DNAH9: variants seen among roughly 807,000 people sequenced by gnomAD.
The protein encoded by DNAH9 is DNAH9 variant protein.
In DNAH9, 345 loss-of-function variants were observed where a neutral mutation model predicts 471.6. That is an observed-to-expected ratio of 0.73 (90% confidence interval 0.67 to 0.80). The LOEUF (loss-of-function observed/expected upper bound fraction) is 0.80. Ranked by LOEUF, DNAH9 falls within the 30% of genes least tolerant of loss-of-function variation. The probability of loss-of-function intolerance (pLI) is 0.00; values close to 1 mark genes in which losing one functional copy is unlikely to be tolerated. For synonymous variants in DNAH9, 2,093 were observed against 2,123.6 expected (o/e 0.99, Z 0.40); for missense variants, 5,407 against 5,609.2 (o/e 0.96, Z 1.15).
At chr17:11,661,995 A>G (rs1200818960) in intron 14 of DNAH9, among the ~76,000 whole-genome samples, 1 of 152,146 alleles carries the variant, frequency 6.6e-6, no homozygotes, top group Non-Finnish European at 1.5e-5. Flanking sequence ...CTTCAAGTTC[A>G]GGTCTGCTTA....
chr17:11,863,971 A>T (rs969571583), intron 50 of DNAH9, among the ~76,000 whole-genome samples: 3 of 151,842 alleles, frequency 2.0e-5, no homozygotes, highest in African/African-American at 7.3e-5. Context: ...TCAAAAAACC[A>T]GCTCCTGGAT....
At chr17:11,780,002 G>C (rs1479708352) in intron 38 of DNAH9, among the ~76,000 whole-genome samples, 1 of 152,182 alleles carries the variant, frequency 6.6e-6, no homozygotes, top group Non-Finnish European at 1.5e-5. Flanking sequence ...GGTTCTCAGA[G>C]CTTCCAGCTG....
At position 11,644,670 on chromosome 17, in the gene DNAH9, A is replaced by C; in HGVS notation, c.1941A>C (p.Lys647Asn). The change falls in exon 11 of 69, where the codon AAA becomes AAC. Residue 647 changes from lysine to asparagine, a missense_variant. Coordinates refer to ENST00000262442, the MANE Select transcript of DNAH9 (RefSeq NM_001372.4). Reference sequence around the variant, plus strand: ...CAGAAGGAAAGCGAATGCAACAAAAATATGAAGATATGCTGTCATTGCTAG... The same window carrying C: ...CAGAAGGAAAGCGAATGCAACAAAACTATGAAGATATGCTGTCATTGCTAG... Reference protein sequence around the residue: ...ESAEGKRMQQKYEDMLSLLEK... With the variant: ...ESAEGKRMQQNYEDMLSLLEK... 1 of 1,613,232 alleles carries C rather than the reference A, an allele frequency of 6.2e-7. No homozygotes were observed. Among genetic ancestry groups the C allele is most frequent in the Non-Finnish European group, 8.5e-7 (1 of 1,179,512 alleles).
At chr17:11,826,227 A>G in intron 48 of DNAH9, among the ~76,000 whole-genome samples, 1 of 152,116 alleles carries the variant, frequency 6.6e-6, no homozygotes, top group East Asian at 1.9e-4. Context: ...CAAGTAATCA[A>G]GCCGATTCCC....
chr17:11,806,144 T>G (rs1394460336), intron 43 of DNAH9, among the ~76,000 whole-genome samples: 1 of 152,218 alleles, frequency 6.6e-6, no homozygotes, highest in Non-Finnish European at 1.5e-5. Flanking sequence ...AGCCCTGAAT[T>G]TGCTGACTTA....
intron 27 of DNAH9, among the ~76,000 whole-genome samples, chr17:11,721,152 G>A (rs1055663188): frequency 2.0e-5 from 3 of 152,092 alleles, no homozygotes; most frequent in Non-Finnish European, 4.4e-5. Flanking sequence ...GAGTTGGCTA[G>A]GGGTCACTAT....
At chr17:11,714,794 T>C (rs1020204248) in intron 26 of DNAH9, among the ~76,000 whole-genome samples, 5 of 152,164 alleles carry the variant, frequency 3.3e-5, no homozygotes, top group African/African-American at 1.2e-4. Context: ...AGGGGCTGTG[T>C]ACAAGGTGGC....
Position 11,608,208 on chromosome 17 carries a change from C to T in DNAH9, c.497C>T (p.Ala166Val), listed in dbSNP as rs765381891. The change falls in exon 2 of 69, where the codon GCC becomes GTC. Residue 166 changes from alanine (A) to valine (V), a missense_variant. Physicochemically the swap from Ala to Val is moderately conservative, Grantham distance 64. Coordinates refer to ENST00000262442, the MANE Select transcript of DNAH9 (RefSeq NM_001372.4). ...HMICEDVRRHAHSLQCDLSVI... is the reference protein window; with the variant it reads ...HMICEDVRRHVHSLQCDLSVI... The stretch of plus-strand genomic sequence containing the variant: ...ATATGTGAGGATGTCAGGCGGCACG[C>T]CCACAGCCTCCAATGTGACCTCTCA... The T allele has an allele frequency of 6.2e-7, 1 of 1,614,036 alleles. No individual in the cohort carries two copies. Among genetic ancestry groups the T allele is most frequent in the Non-Finnish European group, 8.5e-7 (1 of 1,179,908 alleles).
At position 11,932,291 on chromosome 17, in the gene DNAH9, G is replaced by T. The variant is rs1974544844; in HGVS notation, c.12297+86G>T. ...TTGAGGGGTGAATCAGAGGGGTCTA[G>T]GATGGGGCCTGAGAATGTGCATTTC... On this transcript the variant is annotated intron_variant, in intron 64 of 68. Transcript: ENST00000262442. This position sits in a 1 kb window ranked among gnomAD's most constrained non-coding sequence, Gnocchi z 4.3. 1.8e-5 allele frequency: 24 copies of T among 1,360,136 alleles called. No individual in the cohort carries two copies. The South Asian group carries it at 3.2e-4, about 18-fold the overall frequency. The allele number at this position is 1,360,136 out of a possible 1,614,324, so 84.3% of individuals were successfully genotyped here. A position where few individuals can be genotyped will look rare whatever the true frequency, so the allele number is the denominator to read the frequency against.
At chr17:11,723,209 A>C (rs1290290611) in intron 27 of DNAH9, 1 of 152,194 alleles carries the variant, frequency 6.6e-6, no homozygotes, top group Non-Finnish European at 1.5e-5. Flanking sequence ...CATTGTGGTT[A>C]GCACTCTTCC....
intron 20 of DNAH9, among the ~76,000 whole-genome samples, chr17:11,691,536 C>T (rs2150754881): frequency 6.6e-6 from 1 of 152,256 alleles, no homozygotes; most frequent in Non-Finnish European, 1.5e-5. Flanking sequence ...AATTTGAAAA[C>T]GTAATAAAAT....
At chr17:11,647,013 C>T (rs1458237577) in intron 11 of DNAH9, 59 bp from the exon 12 acceptor site, 48 of 1,585,270 alleles carry the variant, frequency 3.0e-5, no homozygotes, top group Non-Finnish European at 3.9e-5. Flanking sequence ...AGATCATGAC[C>T]AGGCACCGGT....
intron 60 of DNAH9, among the ~76,000 whole-genome samples, chr17:11,904,523 G>A (rs1973519527): frequency 6.6e-6 from 1 of 151,760 alleles, no homozygotes; most frequent in African/African-American, 2.4e-5. Context: ...CAGCTACTCA[G>A]GAGGCTGAGG....
At chr17:11,731,454 G>A (rs1053993502) in intron 28 of DNAH9, among the ~76,000 whole-genome samples, 5 of 151,378 alleles carry the variant, frequency 3.3e-5, no homozygotes, top group African/African-American at 1.2e-4. Flanking sequence ...ACGTGTGCAG[G>A]TTTGTTACAT....
At chr17:11,680,985 C>CT (rs2074124146) in intron 19 of DNAH9, 96 bp downstream of exon 19, 4 of 1,163,326 alleles carry the variant, frequency 3.4e-6, no homozygotes, top group Non-Finnish European at 4.8e-6. Context: ...CTTCCAGCAG[C>CT]TGCAGACCAG....
chr17:11,848,890 G>T (rs973503597), intron 49 of DNAH9, among the ~76,000 whole-genome samples: 2 of 151,808 alleles, frequency 1.3e-5, no homozygotes, highest in East Asian at 1.9e-4. Flanking sequence ...AGGCTGGAGT[G>T]CAGTGGCATG....
Position 11,598,549 on chromosome 17 carries a change from G to A in DNAH9, c.51G>A (p.Gly17=). The A allele has an allele frequency of 7.1e-7, 1 of 1,409,262 alleles. No individual in the cohort carries two copies. 87.3% of individuals were successfully genotyped at this position (1,409,262 alleles called of 1,614,324 possible). ...RAALAAENAD[G]EPGADRRLRL... ...CGCTCGCGGCGGAGAACGCGGATGG[G>A]GAACCCGGCGCCGACCGACGACTGC... The change falls in exon 1 of 69, where the codon GGG becomes GGA. Residue 17 remains glycine (G), a synonymous_variant. Coordinates refer to ENST00000262442, the MANE Select transcript of DNAH9 (RefSeq NM_001372.4).
chr17:11,874,631 G>C (rs1204100346), intron 52 of DNAH9, among the ~76,000 whole-genome samples: 2 of 152,182 alleles, frequency 1.3e-5, no homozygotes, highest in African/African-American at 4.8e-5. Flanking sequence ...ACATGGGTGA[G>C]AGTGTGTAGG....
At chr17:11,615,841 C>T (rs779985894) in intron 4 of DNAH9, among the ~76,000 whole-genome samples, 8 of 152,178 alleles carry the variant, frequency 5.3e-5, no homozygotes, top group Admixed American at 3.9e-4. Context: ...TCAGCACTTA[C>T]GGAAGCAAGA....
Sources: gnomAD v4.1 joint callset for allele counts (sites outside exome capture counted in the v4.1 genomes callset) on GRCh38, gnomAD v4.1.1 for gene constraint, Gnocchi (gnomAD v3.1) non-coding constraint, MANE v1.5 for transcripts, NCBI Gene and HGNC (gene_info 2026-07-23, HGNC 2026-07-21) for gene names.